PRDM2: variants seen among roughly 807,000 people sequenced by gnomAD.
PRDM2 encodes the protein PR/SET domain 2.
A neutral mutation model predicts 130.0 loss-of-function variants in PRDM2; 30 were observed. The ratio of observed to expected loss-of-function variants is 0.23; its 90% CI spans 0.17 to 0.31. The LOEUF is 0.31. Ranked by LOEUF, PRDM2 falls within the 10% of genes least tolerant of loss-of-function variation. The pLI, the probability that PRDM2 is intolerant of heterozygous loss-of-function variation, is 1.00. For missense variants in PRDM2, 2,011 were observed against 2,108.4 expected (o/e 0.95, Z 0.90); for synonymous variants, 871 against 782.4 (o/e 1.11, Z -1.89).
At chr1:13,786,678 G>A (rs1238825739) in intron 8 of PRDM2, 38 of 1,507,900 alleles carry the variant, frequency 2.5e-5, no homozygotes, top group Non-Finnish European at 3.2e-5. Flanking sequence ...GCTGATTGCC[G>A]GCAGGCTTAG....
At position 13,751,405 on chromosome 1, in the gene PRDM2, C is replaced by T. The variant is rs1039390667; in HGVS notation, c.511+1918C>T. On this transcript the variant is annotated intron_variant, in intron 6 of 9. Coordinates refer to ENST00000311066, the MANE Select transcript of PRDM2 (RefSeq NM_001393986.1). ...TTAACAGCTTACTGGTTAAAGAGAC[C>T]TATTTGCTCTTTAAGACTTAAACTT... Among the ~76,000 whole-genome samples, 5 of 152,148 alleles carry T rather than the reference C, an allele frequency of 3.3e-5. No homozygotes were observed. In the South Asian group the frequency reaches 8.3e-4, roughly 25 times the overall value.
At chr1:13,710,942 G>T (rs535364774) in intron 1 of PRDM2, among the ~76,000 whole-genome samples, 1 of 152,188 alleles carries the variant, frequency 6.6e-6, no homozygotes, top group Admixed American at 6.5e-5. Flanking sequence ...AAAAATAGCC[G>T]GGCGTGTTGA....
At chr1:13,761,646 G>C (rs75994920) in intron 6 of PRDM2, among the ~76,000 whole-genome samples, 1,827 of 152,084 alleles carry the variant, frequency 0.012, 29 homozygotes, top group Middle Eastern at 0.055. Flanking sequence ...TTTGTGACTG[G>C]GGAGAAGGGC....
chr1:13,732,510 C>T (rs1056664374), intron 3 of PRDM2, among the ~76,000 whole-genome samples: 1 of 152,032 alleles, frequency 6.6e-6, no homozygotes, highest in Non-Finnish European at 1.5e-5. Context: ...GGTAGTGTTA[C>T]ATGTAAAACA....
At chr1:13,783,856 C>G (rs1277601382) in intron 8 of PRDM2, among the ~76,000 whole-genome samples, 1 of 152,088 alleles carries the variant, frequency 6.6e-6, no homozygotes, top group Non-Finnish European at 1.5e-5. Flanking sequence ...CATGCTATAG[C>G]TTTTGGTGTC....
At chr1:13,778,271 A>G (rs758326492) in intron 7 of PRDM2, 147 bp from the exon 8 acceptor site, 22 of 852,462 alleles carry the variant, frequency 2.6e-5, no homozygotes, top group Non-Finnish European at 3.6e-5. Flanking sequence ...TCAATTAAGT[A>G]TATAAAGTAG....
Position 13,795,332 on chromosome 1 carries a change from A to G in PRDM2, c.5036+12501A>G, listed in dbSNP as rs2463866. 4.3e-3 allele frequency among the ~76,000 whole-genome samples: 656 copies of G among 152,328 alleles called. 9 individuals are homozygous for G. The highest frequency in any genetic ancestry group is 0.015 in the African/African-American group (631 of 41,574). On this transcript the variant is annotated intron_variant, in intron 8 of 9. Coordinates refer to ENST00000311066, the MANE Select transcript of PRDM2 (RefSeq NM_001393986.1). ...CCTATGAATAATTTCATGTTCTCCC[A>G]TTTTACAAATGGGGAAACCGAGGCA...
intron 1 of PRDM2, among the ~76,000 whole-genome samples, chr1:13,703,231 G>A (rs1642117945): frequency 1.3e-5 from 2 of 152,174 alleles, no homozygotes; most frequent in African/African-American, 4.8e-5. Context: ...TGACATTTGG[G>A]TGAGAGAATT....
At chr1:13,770,532 T>G (rs1024306803) in intron 6 of PRDM2, among the ~76,000 whole-genome samples, 13 of 152,330 alleles carry the variant, frequency 8.5e-5, no homozygotes, top group Admixed American at 5.9e-4. Flanking sequence ...CATTTTTTTT[T>G]GCAAGTGACT....
intron 8 of PRDM2, among the ~76,000 whole-genome samples, chr1:13,811,814 C>T (rs1450027449): frequency 6.6e-6 from 1 of 152,214 alleles, no homozygotes; most frequent in East Asian, 1.9e-4. Context: ...GCTGGGGTTG[C>T]CACTAAGGTG....
chr1:13,728,850 T>C (rs1643010373), intron 2 of PRDM2, among the ~76,000 whole-genome samples: 1 of 152,178 alleles, frequency 6.6e-6, no homozygotes, highest in Non-Finnish European at 1.5e-5. Flanking sequence ...ATACATGTGA[T>C]CTCTAACTTG....
chr1:13,755,082 G>A (rs778199455), intron 6 of PRDM2, among the ~76,000 whole-genome samples: 2 of 152,146 alleles, frequency 1.3e-5, no homozygotes, highest in Middle Eastern at 3.4e-3. Flanking sequence ...AGCTCAGTAC[G>A]GTTTTAATTA....
chr1:13,717,831 G>A (rs778836578), intron 2 of PRDM2, among the ~76,000 whole-genome samples: 2 of 152,090 alleles, frequency 1.3e-5, no homozygotes, highest in Non-Finnish European at 2.9e-5. Flanking sequence ...TTTCTGATTT[G>A]GGTGTAATTT....
intron 5 of PRDM2, 40 bp from the exon 6 acceptor site, chr1:13,749,321 G>T (rs201907593): frequency 1.3e-5 from 18 of 1,395,928 alleles, no homozygotes; most frequent in Non-Finnish European, 1.7e-5. Flanking sequence ...AACAACCGCC[G>T]CTCTGATTGG....
intron 1 of PRDM2, among the ~76,000 whole-genome samples, chr1:13,714,353 T>TC (rs1309345521): frequency 6.6e-6 from 1 of 151,952 alleles, no homozygotes; most frequent in African/African-American, 2.4e-5. Flanking sequence ...TTTTTTTTTT[T>TC]CCTGAGTACT....
intron 2 of PRDM2, among the ~76,000 whole-genome samples, chr1:13,726,284 C>T (rs770434992): frequency 3.2e-4 from 49 of 152,294 alleles, no homozygotes; most frequent in South Asian, 1.0e-3. Flanking sequence ...TCCCTAAGCT[C>T]CTCACCCCGT....
At chr1:13,741,771 T>TGTGTGTGG (rs1643453461) in intron 4 of PRDM2, among the ~76,000 whole-genome samples, 1 of 117,294 alleles carries the variant, frequency 8.5e-6, no homozygotes, top group African/African-American at 3.3e-5. Flanking sequence ...TGTGTAGGGG[T>TGTGTGTGG]GGGGGGCGCG....
At chr1:13,789,243 C>T (rs1337425651) in intron 8 of PRDM2, among the ~76,000 whole-genome samples, 1 of 152,224 alleles carries the variant, frequency 6.6e-6, no homozygotes, top group Non-Finnish European at 1.5e-5. Flanking sequence ...GCCTTCCATC[C>T]CTGTTACCAT....
At chr1:13,746,245 ACTTTAT>A (rs1643601236) in intron 5 of PRDM2, among the ~76,000 whole-genome samples, 1 of 151,400 alleles carries the variant, frequency 6.6e-6, no homozygotes, top group Non-Finnish European at 1.5e-5. Flanking sequence ...TGGTCTTTTG[ACTTTAT>A]TTTTTTAATG....
Sources: gnomAD v4.1 joint callset for allele counts (sites outside exome capture counted in the v4.1 genomes callset) on GRCh38, gnomAD v4.1.1 for gene constraint, MANE v1.5 for transcripts, NCBI Gene and HGNC (gene_info 2026-07-23, HGNC 2026-07-21) for gene names.